GRIA1: variants seen among roughly 807,000 people sequenced by gnomAD.
GRIA1 encodes the protein glutamate ionotropic receptor AMPA type subunit 1.
GRIA1 carries 31 observed loss-of-function variants against 99.2 expected under a neutral mutation model. The ratio of observed to expected loss-of-function variants is 0.31; its 90% CI spans 0.23 to 0.42. The LOEUF (loss-of-function observed/expected upper bound fraction) is 0.42, where lower values mean the gene tolerates loss of function less well. Ranked by LOEUF, GRIA1 falls within the 10% of genes least tolerant of loss-of-function variation. The probability of loss-of-function intolerance (pLI) is 1.00; values close to 1 mark genes in which losing one functional copy is unlikely to be tolerated. For synonymous variants in GRIA1, 438 were observed against 432.4 expected, an observed-to-expected ratio of 1.01 and a Z score of -0.16; for missense variants, 782 against 1,157.5, an observed-to-expected ratio of 0.68 and a Z score of 4.71.
chr5:153,550,814 T>C (rs1228815398), intron 2 of GRIA1, among the ~76,000 whole-genome samples: 2 of 152,128 alleles, frequency 1.3e-5, no homozygotes, highest in African/African-American at 4.8e-5. Flanking sequence ...AAAGCACAGA[T>C]TGCCAGATCC....
At chr5:153,782,456 G>A (rs553486712) in intron 13 of GRIA1, among the ~76,000 whole-genome samples, 24 of 152,298 alleles carry the variant, frequency 1.6e-4, no homozygotes, top group African/African-American at 5.5e-4. Context: ...ATGTAGGAAT[G>A]TTGTCACATA....
chr5:153,512,297 C>T (rs576335400), intron 2 of GRIA1, among the ~76,000 whole-genome samples: 62 of 152,156 alleles, frequency 4.1e-4, no homozygotes, highest in African/African-American at 1.4e-3. Context: ...GGACTTTACA[C>T]GCAGGTAATA....
chr5:153,749,994 G>A (rs1000980652), intron 11 of GRIA1, among the ~76,000 whole-genome samples: 1 of 152,072 alleles, frequency 6.6e-6, no homozygotes, highest in Non-Finnish European at 1.5e-5. Flanking sequence ...CAGAGTCCAG[G>A]GCCCTCCCCC....
intron 11 of GRIA1, among the ~76,000 whole-genome samples, chr5:153,733,457 C>A (rs909373408): frequency 4.6e-5 from 7 of 152,048 alleles, no homozygotes; most frequent in Non-Finnish European, 1.0e-4. Flanking sequence ...AAGAAAGGGA[C>A]TACAAAACAG....
At chr5:153,652,311 G>C (rs1026285130) in intron 4 of GRIA1, among the ~76,000 whole-genome samples, 2 of 152,176 alleles carry the variant, frequency 1.3e-5, no homozygotes, top group Non-Finnish European at 2.9e-5. Context: ...TTGTTCTATG[G>C]TACAGACAGT....
chr5:153,528,347 A>G (rs62382825), intron 2 of GRIA1, among the ~76,000 whole-genome samples: 55,578 of 151,932 alleles, frequency 0.37, 12,812 homozygotes, highest in Non-Finnish European at 0.52. Context: ...GTCTTTCAGG[A>G]TTATAGCCAA....
At chr5:153,623,537 A>G (rs1332977454) in intron 2 of GRIA1, among the ~76,000 whole-genome samples, 1 of 152,248 alleles carries the variant, frequency 6.6e-6, no homozygotes, top group Non-Finnish European at 1.5e-5. Context: ...TTAACAGTGA[A>G]AAACAAACAA....
chr5:153,507,573 A>G (rs1188740321), intron 2 of GRIA1, among the ~76,000 whole-genome samples: 2 of 152,098 alleles, frequency 1.3e-5, no homozygotes, highest in African/African-American at 4.8e-5. Flanking sequence ...TCTCCATATA[A>G]TCAATATTAT....
At chr5:153,528,901 T>C (rs1016404477) in intron 2 of GRIA1, among the ~76,000 whole-genome samples, 1 of 152,164 alleles carries the variant, frequency 6.6e-6, no homozygotes, top group African/African-American at 2.4e-5. Context: ...TCATGCCTCC[T>C]CCCTTAATGT....
At chr5:153,738,215 C>T (rs772227832) in intron 11 of GRIA1, among the ~76,000 whole-genome samples, 1 of 152,190 alleles carries the variant, frequency 6.6e-6, no homozygotes, top group Non-Finnish European at 1.5e-5. Flanking sequence ...AGCTGGTTCT[C>T]CATCAGTTAT....
At chr5:153,726,808 C>A (rs1428402764) in intron 11 of GRIA1, among the ~76,000 whole-genome samples, 1 of 152,148 alleles carries the variant, frequency 6.6e-6, no homozygotes, top group South Asian at 2.1e-4. Context: ...ACCAGAGGTA[C>A]AAGGAGGAAT....
At chr5:153,785,933 A>T (rs1386522718) in intron 13 of GRIA1, among the ~76,000 whole-genome samples, 1 of 152,240 alleles carries the variant, frequency 6.6e-6, no homozygotes, top group African/African-American at 2.4e-5. Context: ...CATCTCAGAG[A>T]ATAACGCTAA....
chr5:153,534,278 T>G (rs1302433896), intron 2 of GRIA1, among the ~76,000 whole-genome samples: 1 of 152,202 alleles, frequency 6.6e-6, no homozygotes, highest in Non-Finnish European at 1.5e-5. Context: ...CAGGTTACTT[T>G]CCCTCAGTAT....
At chr5:153,701,001 G>A (rs1223715948) in intron 10 of GRIA1, among the ~76,000 whole-genome samples, 1 of 152,184 alleles carries the variant, frequency 6.6e-6, no homozygotes, top group Non-Finnish European at 1.5e-5. Flanking sequence ...TAGAGACCTG[G>A]ATAGTACATG....
intron 5 of GRIA1, among the ~76,000 whole-genome samples, chr5:153,671,657 T>G (rs1005712597): frequency 6.6e-6 from 1 of 152,232 alleles, no homozygotes; most frequent in Non-Finnish European, 1.5e-5. Flanking sequence ...TGGTATTTGC[T>G]GCCTGCTGGT....
At chr5:153,707,759 A>G (rs753831058) in intron 11 of GRIA1, among the ~76,000 whole-genome samples, 5 of 151,956 alleles carry the variant, frequency 3.3e-5, no homozygotes, top group African/African-American at 4.8e-5. Flanking sequence ...GGCCTGCTGT[A>G]TAACTTAGAA....
chr5:153,662,956 C>T (rs1397502648), intron 5 of GRIA1, among the ~76,000 whole-genome samples: 2 of 152,190 alleles, frequency 1.3e-5, no homozygotes, highest in Non-Finnish European at 2.9e-5. Context: ...CCTTCCCTCT[C>T]CCGCTCTGCT....
chr5:153,531,717 T>A (rs961395510), intron 2 of GRIA1, among the ~76,000 whole-genome samples: 1 of 152,178 alleles, frequency 6.6e-6, no homozygotes, highest in Non-Finnish European at 1.5e-5. Context: ...CATGGTGTTT[T>A]GCAATAGAGA....
At chr5:153,745,625 A>AAAT (rs1762106313) in intron 11 of GRIA1, among the ~76,000 whole-genome samples, 1 of 151,416 alleles carries the variant, frequency 6.6e-6, no homozygotes, top group African/African-American at 2.4e-5. Context: ...AAAGAAAAAG[A>AAAT]AATTATAGGT....
Sources: allele counts gnomAD v4.1 joint callset (sites outside exome capture counted in the v4.1 genomes callset), GRCh38; gene constraint gnomAD v4.1.1; transcripts MANE v1.5; gene names NCBI Gene and HGNC (gene_info 2026-07-23, HGNC 2026-07-21).